The following DCST1 variants were observed in gnomAD, a reference collection of about 807,000 sequenced individuals.
DCST1 encodes the protein E3 ubiquitin-protein ligase DCST1.
DCST1 carries 78 observed loss-of-function variants against 89.1 expected under a neutral mutation model. That is an observed-to-expected ratio of 0.88 (90% CI 0.73 to 1.06). DCST1 has a LOEUF of 1.06. DCST1 is among the 50% of genes least tolerant of loss of function. DCST1 has a pLI of 0.00. For synonymous variants in DCST1, 364 were observed against 371.9 expected (o/e 0.98, Z 0.24); for missense variants, 900 against 928.6 (o/e 0.97, Z 0.40).
chr1:155,033,917 G>T, intron 1 of DCST1, 55 bp from the exon 2 acceptor site: 1 of 1,404,052 alleles, frequency 7.1e-7, no homozygotes, highest in Non-Finnish European at 9.9e-7. Flanking sequence ...CAGAGCTCAG[G>T]CCTAGGCTTC....
In DCST1 at chr1:155,046,557, C is replaced by A. The variant is rs1385595544; in HGVS notation, c.1495+71C>A. The A allele has an allele frequency of 5.7e-6, 9 of 1,575,308 alleles. No individual in the cohort carries two copies. In the Admixed American group the frequency reaches 1.5e-4, roughly 27 times the overall value. On this transcript the variant is annotated intron_variant, in intron 13 of 16. Coordinates refer to ENST00000295542, the MANE Select transcript of DCST1 (RefSeq NM_152494.4). The stretch of plus-strand genomic sequence containing the variant: ...TGGAGAACTCCAATGCCTGCACAGC[C>A]ACCCCACCCTAGTTCTTCCAACTGT...
In DCST1 at chr1:155,047,328, A is replaced by T. The variant is rs1317020088; in HGVS notation, c.1612+16A>T. 4.4e-6 allele frequency: 7 copies of T among 1,603,880 alleles called. No homozygotes were observed. Among genetic ancestry groups the T allele is most frequent in the Non-Finnish European group, 6.0e-6 (7 of 1,171,590 alleles). On this transcript the variant is annotated intron_variant, in intron 14 of 16. Coordinates refer to ENST00000295542, the MANE Select transcript of DCST1 (RefSeq NM_152494.4). ...AACAACATGCGTGAGTGATGCTGAA[A>T]GTTTGGATCAGAGGAATCGAGGGCG...
Position 155,047,956 on chromosome 1 carries a change from C to T in DCST1, c.1755+27C>T, listed in dbSNP as rs774619891. On this transcript the variant is annotated intron_variant, in intron 15 of 16. Coordinates refer to ENST00000295542, the MANE Select transcript of DCST1 (RefSeq NM_152494.4). ...TTTGCCCCTCCCCAGACCTCTCCAC[C>T]CCTACACACCTGCACACACACACAC... 1.5e-5 allele frequency: 24 copies of T among 1,613,634 alleles called. No homozygotes were observed. In the South Asian group the frequency reaches 2.6e-4, roughly 18 times the overall value.
chr1:155,048,982 AC>A, intron 16 of DCST1: 1 of 716,528 alleles, frequency 1.4e-6, no homozygotes, highest in South Asian at 1.5e-5. Flanking sequence ...AAGTTGTGTC[AC>A]CTTGGCCAAG....
intron 4 of DCST1, among the ~76,000 whole-genome samples, chr1:155,037,584 C>G (rs924435904): frequency 6.6e-6 from 1 of 152,050 alleles, no homozygotes; most frequent in African/African-American, 2.4e-5. Context: ...GCTGGGACTA[C>G]AGGCACCTGC....
In DCST1 at chr1:155,041,487, A is replaced by G; in HGVS notation, c.622A>G (p.Thr208Ala). ...CCAGGTGAATAGTGAGACGGGCTAC[A>G]CGCCTGAGGATACCATGGACTCAGG... ...DAQVNSETGY[T>A]PEDTMDSGET... The change falls in exon 7 of 17, where the codon ACG becomes GCG. Residue 208 changes from threonine to alanine, a missense_variant. Coordinates refer to ENST00000295542, the MANE Select transcript of DCST1 (RefSeq NM_152494.4). 2 of 1,614,054 alleles carry G rather than the reference A, an allele frequency of 1.2e-6. No homozygotes were observed. Among genetic ancestry groups the G allele is most frequent in the Non-Finnish European group, 1.7e-6 (2 of 1,180,032 alleles).
intron 4 of DCST1, among the ~76,000 whole-genome samples, chr1:155,037,841 C>T (rs375324235): frequency 6.6e-6 from 1 of 152,226 alleles, no homozygotes. Flanking sequence ...CCATGGGGCT[C>T]TCATTAGAAC....
In DCST1 at chr1:155,048,087, A is replaced by G; in HGVS notation, c.1786A>G (p.Asn596Asp). ...GAAGAAGCGGATCCTGTTCCTCTAC[A>G]ATGACCTATTGAAGAAAAGAGCAGC... ...REKKRILFLYNDLLKKRAAFT... is the reference protein window; with the variant it reads ...REKKRILFLYDDLLKKRAAFT... Residue 596 changes from asparagine (N) to aspartate (D), a missense_variant, in exon 16 of 17, where the codon AAT becomes GAT. By Grantham distance (23) the Asn-to-Asp change is conservative. Transcript: ENST00000295542. 6.2e-7 allele frequency: 1 copy of G among 1,613,878 alleles called. No individual in the cohort carries two copies. The highest frequency in any genetic ancestry group is 1.1e-5 in the South Asian group (1 of 91,054).
intron 14 of DCST1, among the ~76,000 whole-genome samples, 169 bp downstream of exon 14, chr1:155,047,481 A>G (rs2102363161): frequency 6.6e-6 from 1 of 152,336 alleles, no homozygotes; most frequent in South Asian, 2.1e-4. Context: ...CAGGCTTGAA[A>G]AAGGGGAGCA....
chr1:155,046,439 T>A lies in DCST1; in HGVS notation c.1448T>A (p.Ile483Asn). The part of the protein sequence containing the change: ...LCGLDWALYS[I>N]FDTIRHHSFL... ...GGCTTGGACTGGGCTCTCTACTCCA[T>A]CTTCGACACCATCCGCCACCACTCC... The change falls in exon 13 of 17, where the codon ATC becomes AAC. Residue 483 changes from isoleucine (I) to asparagine (N), a missense_variant. Coordinates refer to ENST00000295542, the MANE Select transcript of DCST1 (RefSeq NM_152494.4). 1 of 1,613,872 alleles carries A rather than the reference T, an allele frequency of 6.2e-7. No individual in the cohort carries two copies. The highest frequency in any genetic ancestry group is 8.5e-7 in the Non-Finnish European group (1 of 1,179,986).
At position 155,047,221 on chromosome 1, in the gene DCST1, C is replaced by G. The variant is rs138161806; in HGVS notation, c.1521C>G (p.Val507=). 4.3e-6 allele frequency: 7 copies of G among 1,614,138 alleles called. No individual in the cohort carries two copies. The Admixed American group carries it at 1.0e-4, about 23-fold the overall frequency. ...FRSSHKLEVK[V]GGDSMLARLL... ...GCAGTCATAAACTGGAGGTGAAGGT[C>G]GGGGGAGACTCCATGCTAGCCCGGC... The change falls in exon 14 of 17, where the codon GTC becomes GTG. Residue 507 remains valine (V), a synonymous_variant. Coordinates refer to ENST00000295542, the MANE Select transcript of DCST1 (RefSeq NM_152494.4).
In DCST1 at chr1:155,048,176, T is replaced by C. The variant is rs1660721906; in HGVS notation, c.1869+6T>C. 1 of 1,612,656 alleles carries C rather than the reference T, an allele frequency of 6.2e-7. No individual in the cohort carries two copies. The highest frequency in any genetic ancestry group is 1.3e-5 in the African/African-American group (1 of 74,884). On this transcript the variant is annotated splice_donor_region_variant and intron_variant, in intron 16 of 16. Transcript: ENST00000295542. The stretch of plus-strand genomic sequence containing the variant: ...AGCGACAGCAGAAGGCTCCGGTAAG[T>C]CCAGGCGTAAGTGCTGCTGCCAGCT...
rs1259359705 is a variant in DCST1 at position 155,034,106 on chromosome 1, C to CTCAGCAGAGACCCAG, written c.61+11_61+25dup. 1 of 1,614,118 alleles carries CTCAGCAGAGACCCAG rather than the reference C, an allele frequency of 6.2e-7. No homozygotes were observed. The highest frequency in any genetic ancestry group is 1.7e-5 in the Admixed American group (1 of 60,014). On this transcript the variant is annotated intron_variant, in intron 2 of 16. Coordinates refer to ENST00000295542, the MANE Select transcript of DCST1 (RefSeq NM_152494.4). ...AAAACAGCCTCATACCAGTGAGTCA[C>CTCAGCAGAGACCCAG]TCAGCAGAGACCCAGTATCCCTTGA... is the stretch of plus-strand genomic sequence containing the variant.
In DCST1 at chr1:155,039,466, C is replaced by T; in HGVS notation, c.326C>T (p.Pro109Leu). 1 of 1,602,306 alleles carries T rather than the reference C, an allele frequency of 6.2e-7. No homozygotes were observed. Among genetic ancestry groups the T allele is most frequent in the Non-Finnish European group, 8.5e-7 (1 of 1,174,272 alleles). The change falls in exon 5 of 17, where the codon CCC becomes CTC. Residue 109 changes from proline to leucine, a missense_variant. Transcript: ENST00000295542. ...CGCTGTGCCAGCCTCCTACTAGTACCCAAGATGCTGGGCAAGGAAGGCAGG... is the reference window on the plus strand; with the variant it reads ...CGCTGTGCCAGCCTCCTACTAGTACTCAAGATGCTGGGCAAGGAAGGCAGG... ...HIRCASLLLV[P>L]KMLGKEGRLF...
chr1:155,047,675 G>T, intron 14 of DCST1, 112 bp from the exon 15 acceptor site: 2 of 935,830 alleles, frequency 2.1e-6, no homozygotes, highest in Non-Finnish European at 3.2e-6. Flanking sequence ...CAGGCAGGAG[G>T]AGAGCAGGGG....
Position 155,048,138 on chromosome 1 carries a change from A to T in DCST1, c.1837A>T (p.Ile613Phe), listed in dbSNP as rs1660720369. Reference protein sequence around the residue: ...AAFTKLRRAAILRRERQQKAP... With the variant: ...AAFTKLRRAAFLRRERQQKAP... ...CTTCACCAAACTCAGGAGGGCCGCT[A>T]TCCTGAGGCGGGAGCGACAGCAGAA... is the stretch of plus-strand genomic sequence containing the variant. Residue 613 changes from isoleucine (I) to phenylalanine (F), a missense_variant, in exon 16 of 17, where the codon ATC becomes TTC. Transcript: ENST00000295542. 8 of 1,613,982 alleles carry T rather than the reference A, an allele frequency of 5.0e-6. No homozygotes were observed. Among genetic ancestry groups the T allele is most frequent in the Non-Finnish European group, 5.9e-6 (7 of 1,180,018 alleles).
rs1249547636 is a variant in DCST1, at chr1:155,040,592, GC to G, written c.504del (p.Leu169TyrfsTer9). On this transcript the variant is annotated frameshift_variant, in exon 6 of 17. Coordinates refer to ENST00000295542, the MANE Select transcript of DCST1 (RefSeq NM_152494.4). LOFTEE classifies it high-confidence loss of function. ...NTRAAWRIST[A>X]PLRAMFKDLL... ...CCGCGCAGCTTGGCGCATCTCCACAGCCCCCTTACGGGCCATGTTCAAGGAC... is the reference window on the plus strand; with the variant it reads ...CCGCGCAGCTTGGCGCATCTCCACAGCCCCTTACGGGCCATGTTCAAGGAC... The G allele has an allele frequency of 6.3e-7, 1 of 1,583,650 alleles. No individual in the cohort carries two copies. Among genetic ancestry groups the G allele is most frequent in the African/African-American group, 1.3e-5 (1 of 74,412 alleles).
At chr1:155,050,534 C>T in intron 16 of DCST1, 83 bp from the exon 17 acceptor site, 3 of 1,451,184 alleles carry the variant, frequency 2.1e-6, no homozygotes, top group Non-Finnish European at 2.7e-6. Flanking sequence ...TCAGGCCTGG[C>T]GACTTCAGAC....
At position 155,047,786 on chromosome 1, in the gene DCST1, G is replaced by T. The variant is rs375311605; in HGVS notation, c.1613-1G>T. ...AGACCCCTGGCCTGCCCCTCCCCTAGCCTGCCTGCCCCAGCCTGTGGGCCT... is the reference window on the plus strand; with the variant it reads ...AGACCCCTGGCCTGCCCCTCCCCTATCCTGCCTGCCCCAGCCTGTGGGCCT... On this transcript the variant is annotated splice_acceptor_variant, in intron 14 of 16. Transcript: ENST00000295542. LOFTEE classifies it high-confidence loss of function. 3 of 1,613,436 alleles carry T rather than the reference G, an allele frequency of 1.9e-6. No individual in the cohort carries two copies. In the South Asian group the frequency reaches 3.3e-5, roughly 18 times the overall value.
Sources: gnomAD v4.1 joint callset for allele counts (sites outside exome capture counted in the v4.1 genomes callset) on GRCh38, gnomAD v4.1.1 for gene constraint, MANE v1.5 for transcripts, NCBI Gene and HGNC (gene_info 2026-07-23, HGNC 2026-07-21) for gene names.